The following PIBF1 variants were observed in gnomAD, a reference collection of about 807,000 sequenced individuals.
The protein encoded by PIBF1 is progesterone immunomodulatory binding factor 1, also known as progesterone-induced-blocking factor 1.
In PIBF1, 90 loss-of-function variants were observed where a neutral mutation model predicts 112.5. The ratio of observed to expected loss-of-function variants is 0.80; its 90% CI spans 0.67 to 0.95. The LOEUF (loss-of-function observed/expected upper bound fraction) is 0.95. PIBF1 is among the 40% of genes least tolerant of loss of function. PIBF1 has a pLI of 0.00. For synonymous variants in PIBF1, 301 were observed against 288.6 expected, an observed-to-expected ratio of 1.04 and a Z score of -0.44; for missense variants, 915 against 852.3, an observed-to-expected ratio of 1.07 and a Z score of -0.92.
intron 6 of PIBF1, among the ~76,000 whole-genome samples, chr13:72,822,962 G>C (rs1282261766): frequency 6.6e-6 from 1 of 152,210 alleles, no homozygotes; most frequent in Non-Finnish European, 1.5e-5. Flanking sequence ...GGGCATAGTG[G>C]CACATGCCTT....
chr13:72,810,589 A>C (rs959218464), intron 5 of PIBF1, among the ~76,000 whole-genome samples: 5 of 152,154 alleles, frequency 3.3e-5, no homozygotes, highest in African/African-American at 7.2e-5. Context: ...TTTGTTTATT[A>C]AAGTTTTTAT....
Position 72,873,591 on chromosome 13 carries a change from G to A in PIBF1, c.1322+19436G>A, listed in dbSNP as rs141736922. ...CTAATTTTGTATTTTTAGTAGAGGCGAGGTTTCACCATGTTGGTCAGGCTG... is the reference window on the plus strand; with the variant it reads ...CTAATTTTGTATTTTTAGTAGAGGCAAGGTTTCACCATGTTGGTCAGGCTG... On this transcript the variant is annotated intron_variant, in intron 10 of 17. Coordinates refer to ENST00000326291, the MANE Select transcript of PIBF1 (RefSeq NM_006346.4). Among the ~76,000 whole-genome samples the A allele has an allele frequency of 6.4e-3, 973 of 151,978 alleles. 13 individuals carry two copies. The highest frequency in any genetic ancestry group is 0.022 in the African/African-American group (902 of 41,438).
chr13:72,984,021 A>G (rs74735929), intron 16 of PIBF1, among the ~76,000 whole-genome samples: 1,826 of 152,286 alleles, frequency 0.012, 39 homozygotes, highest in South Asian at 0.014. Flanking sequence ...GATAATTATT[A>G]TAGTGAAAAC....
At chr13:72,928,006 C>CACACATATACAT (rs750684543) in intron 13 of PIBF1, among the ~76,000 whole-genome samples, 2 of 101,816 alleles carry the variant, frequency 2.0e-5, no homozygotes, top group African/African-American at 1.1e-4. Context: ...CATATATATA[C>CACACATATACAT]ATATATATAC....
In PIBF1 at chr13:72,908,520, T is replaced by G. The variant is rs373035394; in HGVS notation, c.1489-11T>G. 3 of 1,572,804 alleles carry G rather than the reference T, an allele frequency of 1.9e-6. No individual in the cohort carries two copies. The highest frequency in any genetic ancestry group is 2.6e-6 in the Non-Finnish European group (3 of 1,159,796). The stretch of plus-strand genomic sequence containing the variant: ...AATTCTGCCTTTGTAATTCTTCTCT[T>G]TCACTATTAGGTTTTAACCAAAGAA... On this transcript the variant is annotated splice_polypyrimidine_tract_variant and intron_variant, in intron 11 of 17. Coordinates refer to ENST00000326291, the MANE Select transcript of PIBF1 (RefSeq NM_006346.4).
At chr13:72,885,518 A>G (rs1334455285) in intron 10 of PIBF1, among the ~76,000 whole-genome samples, 1 of 152,186 alleles carries the variant, frequency 6.6e-6, no homozygotes, top group East Asian at 1.9e-4. Context: ...TTCTGGATAT[A>G]CCATTATCTC....
Position 72,910,336 on chromosome 13 carries a change from C to T in PIBF1, c.1639+1655C>T, listed in dbSNP as rs563564430. Among the ~76,000 whole-genome samples the T allele has an allele frequency of 2.2e-4, 33 of 152,234 alleles. 1 individual carries two copies. Among genetic ancestry groups the T allele is most frequent in the Admixed American group, 1.8e-3 (28 of 15,284 alleles). On this transcript the variant is annotated intron_variant, in intron 12 of 17. Coordinates refer to ENST00000326291, the MANE Select transcript of PIBF1 (RefSeq NM_006346.4). ...AAAGTCAAATTTCTTTACATGACTT[C>T]ATGATTAGACTCATGTTTATCTTTC...
At chr13:72,995,026 G>A (rs141520378) in intron 16 of PIBF1, among the ~76,000 whole-genome samples, 27 of 152,256 alleles carry the variant, frequency 1.8e-4, no homozygotes, top group African/African-American at 5.5e-4. Context: ...TTGCGGACAG[G>A]TGCGGTGGCT....
intron 9 of PIBF1, among the ~76,000 whole-genome samples, chr13:72,839,818 A>T (rs2037524554): frequency 6.6e-6 from 1 of 152,162 alleles, no homozygotes; most frequent in South Asian, 2.1e-4. Context: ...GTGTGGGGAA[A>T]CAACCAACAG....
chr13:72,942,213 C>T (rs527369299), intron 14 of PIBF1, among the ~76,000 whole-genome samples: 1 of 145,804 alleles, frequency 6.9e-6, no homozygotes, highest in Non-Finnish European at 1.5e-5. Context: ...CCTAAACAAT[C>T]TAGATCTGAT....
At chr13:72,966,648 C>G (rs767157117) in intron 15 of PIBF1, among the ~76,000 whole-genome samples, 1 of 152,064 alleles carries the variant, frequency 6.6e-6, no homozygotes, top group African/African-American at 2.4e-5. Context: ...GTGGCTCACA[C>G]CTGTAATCCC....
Position 72,931,155 on chromosome 13 carries a change from A to G in PIBF1, c.1731-10A>G. 6.5e-7 allele frequency: 1 copy of G among 1,546,620 alleles called. No homozygotes were observed. On this transcript the variant is annotated splice_polypyrimidine_tract_variant and intron_variant, in intron 13 of 17. Transcript: ENST00000326291. ...TTTTAAGCATTAATTTTCTTATTTC[A>G]TTTGCCTAGTGTTCACTTGGCAAGA...
intron 8 of PIBF1, among the ~76,000 whole-genome samples, chr13:72,829,936 A>G (rs2037018844): frequency 6.6e-6 from 1 of 152,010 alleles, no homozygotes; most frequent in South Asian, 2.1e-4. Flanking sequence ...CCATTTGTTT[A>G]TGTCCTCGCT....
Position 72,931,260 on chromosome 13 carries a change from C to T in PIBF1, c.1826C>T (p.Ser609Leu). ...EHRKDQVTQL[S>L]QELDRANSLL... ...CGAAAGGACCAAGTAACACAGCTTT[C>T]ACAAGAGGTAAATAACTTAAAGAAA... Residue 609 changes from serine to leucine, a missense_variant, in exon 14 of 18, where the codon TCA becomes TTA. Coordinates refer to ENST00000326291, the MANE Select transcript of PIBF1 (RefSeq NM_006346.4). 6.3e-7 allele frequency: 1 copy of T among 1,593,608 alleles called. No individual in the cohort carries two copies. The highest frequency in any genetic ancestry group is 8.6e-7 in the Non-Finnish European group (1 of 1,163,350).
chr13:72,929,427 G>C (rs1374455843), intron 13 of PIBF1, among the ~76,000 whole-genome samples: 1 of 152,110 alleles, frequency 6.6e-6, no homozygotes, highest in Non-Finnish European at 1.5e-5. Context: ...TATAAAGAGA[G>C]AAAGATTAAT....
chr13:72,909,274 G>A (rs2040815284), intron 12 of PIBF1, among the ~76,000 whole-genome samples: 3 of 152,146 alleles, frequency 2.0e-5, no homozygotes, highest in Admixed American at 2.0e-4. Flanking sequence ...AGGAACTGGG[G>A]ATTAGGAGTT....
intron 2 of PIBF1, among the ~76,000 whole-genome samples, chr13:72,790,597 G>A (rs995100349): frequency 6.6e-6 from 1 of 151,978 alleles, no homozygotes; most frequent in African/African-American, 2.4e-5. Context: ...TAAAGCCATG[G>A]GATTGTATGG....
intron 5 of PIBF1, among the ~76,000 whole-genome samples, chr13:72,801,252 T>C (rs1284957547): frequency 6.6e-6 from 1 of 152,132 alleles, no homozygotes; most frequent in Non-Finnish European, 1.5e-5. Flanking sequence ...TTGAACAACA[T>C]GGGTTTGAAC....
chr13:72,833,340 A>G (rs1005152267), intron 8 of PIBF1, among the ~76,000 whole-genome samples: 2 of 152,190 alleles, frequency 1.3e-5, no homozygotes, highest in Admixed American at 6.5e-5. Flanking sequence ...CTTTGGAGGA[A>G]AAGAGGCGTT....
Sources: gnomAD v4.1 joint callset for allele counts (sites outside exome capture counted in the v4.1 genomes callset) on GRCh38, gnomAD v4.1.1 for gene constraint, MANE v1.5 for transcripts, NCBI Gene and HGNC (gene_info 2026-07-23, HGNC 2026-07-21) for gene names.